INPP4B: variants seen among roughly 807,000 people sequenced by gnomAD.
INPP4B encodes the protein inositol polyphosphate-4-phosphatase type II B.
INPP4B carries 55 observed loss-of-function variants against 122.5 expected under a neutral mutation model. That is an observed-to-expected ratio of 0.45 (90% CI 0.36 to 0.56). The LOEUF (loss-of-function observed/expected upper bound fraction) is 0.56, where lower values mean the gene tolerates loss of function less well. Among genes scored for constraint, INPP4B ranks in the 20% least tolerant of loss-of-function variants. The probability of loss-of-function intolerance (pLI) is 0.00; values close to 1 mark genes in which losing one functional copy is unlikely to be tolerated. For missense variants in INPP4B, 1,000 were observed against 1,097.7 expected (o/e 0.91, Z 1.26); for synonymous variants, 403 against 388.7 (o/e 1.04, Z -0.43).
At chr4:142,477,988 A>G (rs905464052) in intron 2 of INPP4B, among the ~76,000 whole-genome samples, 1 of 152,176 alleles carries the variant, frequency 6.6e-6, no homozygotes, top group Non-Finnish European at 1.5e-5. Flanking sequence ...TTTTCAGTAG[A>G]GATGGGGTTT....
chr4:142,160,183 G>T (rs1451603271), intron 17 of INPP4B, among the ~76,000 whole-genome samples, 175 bp downstream of exon 17: 1 of 151,826 alleles, frequency 6.6e-6, no homozygotes, highest in Admixed American at 6.6e-5. Flanking sequence ...AATTTTATCA[G>T]GATTTCAACT....
At chr4:142,234,271 C>T (rs1855721652) in intron 12 of INPP4B, among the ~76,000 whole-genome samples, 3 of 152,080 alleles carry the variant, frequency 2.0e-5, no homozygotes, top group Non-Finnish European at 2.9e-5. Flanking sequence ...TTAGGAAGAG[C>T]GTATTGTGTT....
At chr4:142,486,244 T>C (rs534598197) in intron 2 of INPP4B, among the ~76,000 whole-genome samples, 2 of 152,290 alleles carry the variant, frequency 1.3e-5, no homozygotes, top group Non-Finnish European at 2.9e-5. Flanking sequence ...CATTTTCTAC[T>C]CCCACTAGCA....
At chr4:142,323,352 A>G (rs1183807818) in intron 7 of INPP4B, among the ~76,000 whole-genome samples, 1 of 152,082 alleles carries the variant, frequency 6.6e-6, no homozygotes, top group Non-Finnish European at 1.5e-5. Flanking sequence ...AAGAATGCTC[A>G]TGAGTGAAAT....
At chr4:142,845,102 A>C (rs1430259414) in intron 1 of INPP4B, among the ~76,000 whole-genome samples, 4 of 152,194 alleles carry the variant, frequency 2.6e-5, no homozygotes, top group Non-Finnish European at 5.9e-5. Flanking sequence ...TTACATCCTT[A>C]AAACAAGAGT....
chr4:142,454,407 C>G (rs184568410), intron 3 of INPP4B, among the ~76,000 whole-genome samples: 1 of 152,078 alleles, frequency 6.6e-6, no homozygotes, highest in African/African-American at 2.4e-5. Context: ...GTGTTTACTA[C>G]TTAAAACCCA....
chr4:142,702,808 G>T (rs1761987516), intron 2 of INPP4B, among the ~76,000 whole-genome samples: 1 of 146,240 alleles, frequency 6.8e-6, no homozygotes, highest in Non-Finnish European at 1.5e-5. Context: ...AATAAAGATT[G>T]ATTTCTGCAA....
chr4:142,254,135 C>G (rs540006517), intron 11 of INPP4B, among the ~76,000 whole-genome samples: 2 of 152,238 alleles, frequency 1.3e-5, no homozygotes, highest in East Asian at 3.9e-4. Context: ...AGACCTGCAG[C>G]TGAGGGTCCT....
rs1043029377 is a variant in INPP4B, at chr4:142,310,670, C to T, written c.423+4042G>A. Among the ~76,000 whole-genome samples the T allele has an allele frequency of 3.5e-5, 5 of 142,080 alleles. No homozygotes were observed. The East Asian group carries it at 6.0e-4, about 17-fold the overall frequency. 93.2% of individuals were successfully genotyped at this position (142,080 alleles called of 152,430 possible). On this transcript the variant is annotated intron_variant, in intron 8 of 25. Transcript: ENST00000262992. ...ACTCACAGGCAGGCCTTTTCATAGC[C>T]CCAGTACTTTTTTTTTTTTTTCTGT...
chr4:142,328,377 G>A (rs1773240441), intron 7 of INPP4B, among the ~76,000 whole-genome samples: 1 of 152,144 alleles, frequency 6.6e-6, no homozygotes, highest in Non-Finnish European at 1.5e-5. Flanking sequence ...CAAACCATAA[G>A]TCAGCCATTA....
chr4:142,597,700 C>T (rs1739017075), intron 2 of INPP4B, among the ~76,000 whole-genome samples: 1 of 152,154 alleles, frequency 6.6e-6, no homozygotes, highest in African/African-American at 2.4e-5. Flanking sequence ...TGTGGTAACT[C>T]ATTAACAGTT....
chr4:142,613,291 A>G (rs1742971735), intron 2 of INPP4B, among the ~76,000 whole-genome samples: 1 of 152,232 alleles, frequency 6.6e-6, no homozygotes, highest in African/African-American at 2.4e-5. Context: ...CATAAGCGAA[A>G]CTGATACATA....
intron 2 of INPP4B, among the ~76,000 whole-genome samples, chr4:142,709,341 T>G (rs866176758): frequency 2.6e-5 from 4 of 152,100 alleles, no homozygotes; most frequent in Non-Finnish European, 5.9e-5. Flanking sequence ...TAAGAAGGGA[T>G]GGTTGCATTT....
intron 11 of INPP4B, among the ~76,000 whole-genome samples, chr4:142,253,680 C>A (rs1380847820): frequency 1.3e-5 from 2 of 152,236 alleles, no homozygotes; most frequent in Non-Finnish European, 2.9e-5. Flanking sequence ...GAGATTATAT[C>A]CCGCACCTGG....
At chr4:142,031,081 G>C (rs1388926304) in intron 25 of INPP4B, among the ~76,000 whole-genome samples, 1 of 152,050 alleles carries the variant, frequency 6.6e-6, no homozygotes, top group Non-Finnish European at 1.5e-5. Flanking sequence ...AAAAGTAGGG[G>C]GTTGGTTTAT....
intron 1 of INPP4B, among the ~76,000 whole-genome samples, chr4:142,759,114 T>C (rs757174731): frequency 6.6e-6 from 1 of 152,178 alleles, no homozygotes; most frequent in Non-Finnish European, 1.5e-5. Context: ...ATTTTATAGA[T>C]GAGGAAAGCA....
At chr4:142,424,176 G>A (rs1397639201) in intron 5 of INPP4B, among the ~76,000 whole-genome samples, 3 of 151,458 alleles carry the variant, frequency 2.0e-5, no homozygotes, top group African/African-American at 2.4e-5. Context: ...CAGTGACTAC[G>A]CTTTCTCATA....
intron 1 of INPP4B, among the ~76,000 whole-genome samples, chr4:142,737,450 C>T (rs1010975365): frequency 6.6e-6 from 1 of 152,232 alleles, no homozygotes; most frequent in Non-Finnish European, 1.5e-5. Flanking sequence ...ACACCTTATA[C>T]AAAAATTAAT....
chr4:142,600,886 A>G (rs1339063101), intron 2 of INPP4B, among the ~76,000 whole-genome samples: 2 of 152,212 alleles, frequency 1.3e-5, no homozygotes, highest in East Asian at 3.8e-4. Flanking sequence ...AGGCAAGACT[A>G]GCTATATTTA....
Sources: gnomAD v4.1 joint callset for allele counts (sites outside exome capture counted in the v4.1 genomes callset) on GRCh38, gnomAD v4.1.1 for gene constraint, MANE v1.5 for transcripts, NCBI Gene and HGNC (gene_info 2026-07-23, HGNC 2026-07-21) for gene names.